Variants in CNTN5 observed in about 807,000 individuals in gnomAD.
CNTN5 encodes contactin-5.
In CNTN5, 77 loss-of-function variants were observed where a neutral mutation model predicts 129.1. The observed-to-expected ratio is 0.60, with a 90% CI of 0.50 to 0.72. CNTN5 has a LOEUF of 0.72. CNTN5 is among the 30% of genes least tolerant of loss of function. The probability of loss-of-function intolerance (pLI) is 0.00; values close to 1 mark genes in which losing one functional copy is unlikely to be tolerated. For synonymous variants in CNTN5, 509 were observed against 465.6 expected, an observed-to-expected ratio of 1.09 and a Z score of -1.20; for missense variants, 1,478 against 1,328.8, an observed-to-expected ratio of 1.11 and a Z score of -1.75.
chr11:99,442,425 C>T (rs1943872579), intron 2 of CNTN5, among the ~76,000 whole-genome samples: 1 of 152,160 alleles, frequency 6.6e-6, no homozygotes, highest in Non-Finnish European at 1.5e-5. Flanking sequence ...CCACCTTGGC[C>T]TCCCAAAGTG....
In CNTN5 at chr11:99,492,145, A is replaced by G. The variant is rs148124548; in HGVS notation, c.-70-64000A>G. On this transcript the variant is annotated intron_variant, in intron 2 of 24. Transcript: ENST00000524871. The stretch of plus-strand genomic sequence containing the variant: ...TCCTGCCAACAAAGATACTTTGTTC[A>G]TGGCCCATTGTTCAAACATTGCAGG... Among the ~76,000 whole-genome samples, 219 of 152,286 alleles carry G rather than the reference A, an allele frequency of 1.4e-3. 2 individuals are homozygous for G. The highest frequency in any genetic ancestry group is 5.0e-3 in the African/African-American group (207 of 41,562).
At chr11:100,168,311 G>A (rs555374987) in intron 13 of CNTN5, among the ~76,000 whole-genome samples, 26 of 152,084 alleles carry the variant, frequency 1.7e-4, no homozygotes, top group East Asian at 1.9e-4. Context: ...AGAGGATGCC[G>A]TCTACGACTT....
chr11:100,015,268 C>T (rs577225174), intron 9 of CNTN5, among the ~76,000 whole-genome samples: 3 of 152,260 alleles, frequency 2.0e-5, no homozygotes, highest in Non-Finnish European at 2.9e-5. Context: ...ATTATGGCAT[C>T]ATCCTAGTAG....
At chr11:100,037,213 C>G (rs12222929) in intron 9 of CNTN5, among the ~76,000 whole-genome samples, 26,716 of 134,588 alleles carry the variant, frequency 0.2, 3,334 homozygotes, top group East Asian at 0.41. Flanking sequence ...TTTTCTGCAT[C>G]TATTGAGATA....
At chr11:100,007,251 G>A (rs1160578186) in intron 9 of CNTN5, among the ~76,000 whole-genome samples, 1 of 151,976 alleles carries the variant, frequency 6.6e-6, no homozygotes, top group African/African-American at 2.4e-5. Context: ...TGGTAAATGA[G>A]CATTGGCTTC....
chr11:99,877,348 A>G (rs1414818711), intron 6 of CNTN5, among the ~76,000 whole-genome samples: 1 of 152,138 alleles, frequency 6.6e-6, no homozygotes, highest in Non-Finnish European at 1.5e-5. Flanking sequence ...TAGTCTTTCA[A>G]AGACATTGGA....
intron 1 of CNTN5, among the ~76,000 whole-genome samples, chr11:99,176,753 G>A (rs1857794164): frequency 6.6e-6 from 1 of 152,044 alleles, no homozygotes; most frequent in South Asian, 2.1e-4. Context: ...CTGTATCTTT[G>A]CAATAAAATT....
intron 4 of CNTN5, among the ~76,000 whole-genome samples, chr11:99,823,989 C>T (rs1946878034): frequency 6.6e-6 from 1 of 151,968 alleles, no homozygotes; most frequent in Non-Finnish European, 1.5e-5. Context: ...ATCTTGGTAT[C>T]TTCAGTTCTA....
At chr11:99,327,307 G>T (rs1028184041) in intron 2 of CNTN5, among the ~76,000 whole-genome samples, 4 of 152,142 alleles carry the variant, frequency 2.6e-5, no homozygotes, top group Non-Finnish European at 5.9e-5. Context: ...GATGGAAATA[G>T]AATAGAGTAA....
In CNTN5 at chr11:99,092,699, AG is replaced by A; in HGVS notation, c.-210+71430del. ...CTTATGTACATCTACAAATGGTAAA[AG>A]TTGTGTATGTTATATTACTGAATAA... On this transcript the variant is annotated intron_variant, in intron 1 of 24. Coordinates refer to ENST00000524871, the MANE Select transcript of CNTN5 (RefSeq NM_014361.4). Among the ~76,000 whole-genome samples, 4 of 152,190 alleles carry A rather than the reference AG, an allele frequency of 2.6e-5. 1 individual carries two copies. The South Asian group carries it at 8.3e-4, about 32-fold the overall frequency.
chr11:99,891,994 C>T lies in CNTN5; in HGVS notation c.578-24060C>T, dbSNP rs373807448. ...TCTCCACATCCTCTCCAGCATCTGT[C>T]GTTTCCTGACTTTTTAATGATCGTC... On this transcript the variant is annotated intron_variant, in intron 6 of 24. Transcript: ENST00000524871. Among the ~76,000 whole-genome samples the T allele has an allele frequency of 5.3e-5, 8 of 152,178 alleles. No individual in the cohort carries two copies. In the East Asian group the frequency reaches 5.8e-4, roughly 11 times the overall value.
At chr11:99,962,454 A>G (rs1191461290) in intron 8 of CNTN5, among the ~76,000 whole-genome samples, 1 of 152,054 alleles carries the variant, frequency 6.6e-6, no homozygotes, top group Non-Finnish European at 1.5e-5. Context: ...GATGGTTTCC[A>G]GCTTCATTCA....
intron 18 of CNTN5, among the ~76,000 whole-genome samples, chr11:100,288,642 C>G (rs1314976222): frequency 6.6e-6 from 1 of 151,252 alleles, no homozygotes; most frequent in Non-Finnish European, 1.5e-5. Context: ...ACTAAATGCC[C>G]ACAAGAGAAA....
chr11:99,360,798 G>C (rs1290235076), intron 2 of CNTN5, among the ~76,000 whole-genome samples: 2 of 152,086 alleles, frequency 1.3e-5, no homozygotes, highest in Admixed American at 6.5e-5. Flanking sequence ...GTTCTCTCCT[G>C]AACATGCTTT....
At chr11:99,621,217 A>G (rs1201747565) in intron 3 of CNTN5, among the ~76,000 whole-genome samples, 4 of 152,170 alleles carry the variant, frequency 2.6e-5, no homozygotes, top group Non-Finnish European at 5.9e-5. Flanking sequence ...ATTGCATTTA[A>G]GTTGAGGTGT....
At chr11:100,032,583 T>C (rs12287618) in intron 9 of CNTN5, among the ~76,000 whole-genome samples, 1 of 151,954 alleles carries the variant, frequency 6.6e-6, no homozygotes, top group East Asian at 1.9e-4. Flanking sequence ...TGGCCAGAAT[T>C]TTATACCAGT....
intron 1 of CNTN5, among the ~76,000 whole-genome samples, chr11:99,037,501 T>G (rs1863795588): frequency 6.6e-6 from 1 of 151,712 alleles, no homozygotes; most frequent in South Asian, 2.1e-4. Flanking sequence ...AGTTGTCCCA[T>G]CTCTATACTT....
intron 1 of CNTN5, among the ~76,000 whole-genome samples, chr11:99,221,347 T>C (rs912980319): frequency 2.0e-5 from 3 of 151,948 alleles, no homozygotes; most frequent in Admixed American, 2.0e-4. Context: ...AGGTAACAGA[T>C]GAAAAATTAT....
At chr11:99,081,761 ATGT>A (rs1257967695) in intron 1 of CNTN5, among the ~76,000 whole-genome samples, 4 of 152,202 alleles carry the variant, frequency 2.6e-5, no homozygotes, top group African/African-American at 9.6e-5. Context: ...AATGCATAGC[ATGT>A]AGTGTAAAAA....
Sources: gnomAD v4.1 joint callset for allele counts (sites outside exome capture counted in the v4.1 genomes callset) on GRCh38, gnomAD v4.1.1 for gene constraint, MANE v1.5 for transcripts, NCBI Gene and HGNC (gene_info 2026-07-23, HGNC 2026-07-21) for gene names.